The following GALNT13 variants were observed in gnomAD, a reference collection of about 807,000 sequenced individuals.
GALNT13 encodes UDP-GalNAc:polypeptide N-acetylgalactosaminyltransferase 13.
Under a neutral mutation model 64.2 loss-of-function variants are expected in GALNT13, and 28 were observed. The ratio of observed to expected loss-of-function variants is 0.44; its 90% CI spans 0.32 to 0.60. GALNT13 has a LOEUF of 0.60. GALNT13 is among the 20% of genes least tolerant of loss of function. GALNT13 has a pLI of 0.05. For synonymous variants in GALNT13, 214 were observed against 224.6 expected, an observed-to-expected ratio of 0.95 and a Z score of 0.42; for missense variants, 577 against 669.8, an observed-to-expected ratio of 0.86 and a Z score of 1.53.
Position 154,017,361 on chromosome 2 carries a change from G to A in GALNT13, c.142+72722G>A, listed in dbSNP as rs548535463. Among the ~76,000 whole-genome samples the A allele has an allele frequency of 2.6e-5, 4 of 152,164 alleles. No individual in the cohort carries two copies. In the South Asian group the frequency reaches 8.3e-4, roughly 32 times the overall value. ...AGTAGGAATGGGCAGTACTAGCTTT[G>A]GAGCCATAATGTCCTCATTATTTGA... On this transcript the variant is annotated intron_variant, in intron 3 of 12. Coordinates refer to ENST00000392825, the MANE Select transcript of GALNT13 (RefSeq NM_052917.4).
chr2:153,898,596 T>G (rs1303087147), intron 1 of GALNT13, among the ~76,000 whole-genome samples: 2 of 152,086 alleles, frequency 1.3e-5, no homozygotes, highest in African/African-American at 4.8e-5. Context: ...TGAGGTCTCA[T>G]TCTTTCACTT....
At chr2:153,630,415 G>A in the GALNT13 span, among the ~76,000 whole-genome samples, 9 of 144,430 alleles carry the variant, frequency 6.2e-5, no homozygotes, top group Middle Eastern at 3.8e-3. Context: ...AACAAACACC[G>A]CATGTTCTCA....
chr2:154,093,671 T>TTC (rs1701933878), intron 3 of GALNT13, among the ~76,000 whole-genome samples: 1 of 148,464 alleles, frequency 6.7e-6, no homozygotes, highest in Non-Finnish European at 1.5e-5. Context: ...CATTATTTCT[T>TTC]TTTTTTTTTT....
chr2:153,184,600 G>A, the GALNT13 span, among the ~76,000 whole-genome samples: 1 of 152,068 alleles, frequency 6.6e-6, no homozygotes, highest in Admixed American at 6.6e-5. Context: ...TTGGTTGTGG[G>A]TTTGTCATAT....
chr2:153,707,978 G>C, the GALNT13 span, among the ~76,000 whole-genome samples: 10 of 152,128 alleles, frequency 6.6e-5, no homozygotes, highest in East Asian at 1.9e-3. Context: ...TCCATTAAAT[G>C]ATATTAAGAT....
chr2:153,805,797 C>T, the GALNT13 span, among the ~76,000 whole-genome samples: 1 of 151,874 alleles, frequency 6.6e-6, no homozygotes, highest in Non-Finnish European at 1.5e-5. Flanking sequence ...TTCTGTAATT[C>T]ATTGTCCTTT....
intron 2 of GALNT13, among the ~76,000 whole-genome samples, chr2:153,926,898 C>A (rs930168423): frequency 2.6e-5 from 4 of 152,064 alleles, no homozygotes; most frequent in African/African-American, 9.7e-5. Flanking sequence ...TATAAAATCA[C>A]AAAACGCATT....
At position 154,062,474 on chromosome 2, in the gene GALNT13, T is replaced by A. The variant is rs191661552; in HGVS notation, c.143-77863T>A. On this transcript the variant is annotated intron_variant, in intron 3 of 12. Coordinates refer to ENST00000392825, the MANE Select transcript of GALNT13 (RefSeq NM_052917.4). ...CTGAGACTGGATAATTGACTCACAG[T>A]TCTGCAGCCTCTACAGGAAGCATGG... Among the ~76,000 whole-genome samples the A allele has an allele frequency of 1.1e-4, 16 of 152,278 alleles. No individual in the cohort carries two copies. The East Asian group carries it at 1.9e-3, about 18-fold the overall frequency.
At chr2:153,615,067 C>G in the GALNT13 span, among the ~76,000 whole-genome samples, 3 of 152,122 alleles carry the variant, frequency 2.0e-5, no homozygotes, top group Admixed American at 1.3e-4. Context: ...CTTCTACCCT[C>G]TATCTCCATG....
chr2:154,175,178 G>GT (rs1212862899), intron 4 of GALNT13, among the ~76,000 whole-genome samples: 1 of 152,144 alleles, frequency 6.6e-6, no homozygotes, highest in Non-Finnish European at 1.5e-5. Context: ...ACACACCTCT[G>GT]TTAGGAACTT....
the GALNT13 span, among the ~76,000 whole-genome samples, chr2:153,802,521 T>G: frequency 6.6e-6 from 1 of 152,188 alleles, no homozygotes. Flanking sequence ...CTATATAATC[T>G]CCAGGCTCTG....
chr2:153,892,270 G>A (rs968279360), intron 1 of GALNT13, among the ~76,000 whole-genome samples: 9 of 152,014 alleles, frequency 5.9e-5, no homozygotes, highest in African/African-American at 2.2e-4. Context: ...TATTGATGCA[G>A]TAGGATAAAG....
the GALNT13 span, among the ~76,000 whole-genome samples, chr2:153,640,045 G>A: frequency 6.6e-6 from 1 of 152,132 alleles, no homozygotes; most frequent in Non-Finnish European, 1.5e-5. Context: ...GGGTGAAGCA[G>A]TTGCCAATTC....
chr2:153,830,106 A>G, the GALNT13 span, among the ~76,000 whole-genome samples: 1 of 152,172 alleles, frequency 6.6e-6, no homozygotes, highest in South Asian at 2.1e-4. Context: ...TTTATGTATT[A>G]CCTAGACTCA....
At chr2:154,446,112 A>G (rs1481316030) in intron 12 of GALNT13, among the ~76,000 whole-genome samples, 1 of 152,040 alleles carries the variant, frequency 6.6e-6, no homozygotes, top group Non-Finnish European at 1.5e-5. Flanking sequence ...TTCAAAGTAA[A>G]GCCTTAAAGC....
intron 9 of GALNT13, among the ~76,000 whole-genome samples, chr2:154,350,769 A>C (rs1696351444): frequency 6.6e-6 from 1 of 152,118 alleles, no homozygotes; most frequent in African/African-American, 2.4e-5. Flanking sequence ...TCATATGCTC[A>C]TGAGGGTGAG....
chr2:153,458,984 G>A, the GALNT13 span, among the ~76,000 whole-genome samples: 1 of 151,968 alleles, frequency 6.6e-6, no homozygotes, highest in Non-Finnish European at 1.5e-5. Context: ...CACTTTTGCT[G>A]ATTTACTTCC....
At position 154,438,668 on chromosome 2, in the gene GALNT13, T is replaced by C. The variant is rs768510456; in HGVS notation, c.1472T>C (p.Val491Ala). The C allele has an allele frequency of 2.5e-6, 4 of 1,611,702 alleles. No homozygotes were observed. The highest frequency in any genetic ancestry group is 2.2e-5 in the South Asian group (2 of 91,012). Reference sequence around the variant, plus strand: ...GATGTTTCTAGACTCAATGGACCTGTAATCATGTTAAAATGCCACCATATG... The same window carrying C: ...GATGTTTCTAGACTCAATGGACCTGCAATCATGTTAAAATGCCACCATATG... ...CLDVSRLNGP[V>A]IMLKCHHMRG... Residue 491 changes from valine (V) to alanine (A), a missense_variant, in exon 12 of 13, where the codon GTA becomes GCA. Val to Ala is a moderately conservative substitution (Grantham distance 64, BLOSUM62 0). This residue lies in a region of GALNT13 where 232 missense variants were observed against 270.6 expected (regional missense o/e 0.86). Coordinates refer to ENST00000392825, the MANE Select transcript of GALNT13 (RefSeq NM_052917.4).
intron 3 of GALNT13, among the ~76,000 whole-genome samples, chr2:154,012,562 T>C (rs1216162229): frequency 2.0e-5 from 3 of 152,144 alleles, no homozygotes; most frequent in African/African-American, 7.2e-5. Context: ...TTGTCTTGCA[T>C]AGTATCGTGC....
Sources: gnomAD v4.1 joint callset for allele counts (sites outside exome capture counted in the v4.1 genomes callset) on GRCh38, gnomAD v4.1.1 for gene constraint, gnomAD v4.1.1 regional missense constraint, MANE v1.5 for transcripts, NCBI Gene and HGNC (gene_info 2026-07-23, HGNC 2026-07-21) for gene names.